Variants in GABRB2 observed in about 807,000 individuals in gnomAD.
The protein encoded by GABRB2 is gamma-aminobutyric acid receptor subunit beta-2.
Under a neutral mutation model 54.7 loss-of-function variants are expected in GABRB2, and 16 were observed. The ratio of observed to expected loss-of-function variants is 0.29; its 90% CI spans 0.20 to 0.44. GABRB2 has a LOEUF of 0.44. Among genes scored for constraint, GABRB2 ranks in the 20% least tolerant of loss-of-function variants. The probability of loss-of-function intolerance (pLI) is 1.00; values close to 1 mark genes in which losing one functional copy is unlikely to be tolerated. For missense variants in GABRB2, 355 were observed against 644.0 expected, an observed-to-expected ratio of 0.55 and a Z score of 4.86; for synonymous variants, 244 against 233.8, an observed-to-expected ratio of 1.04 and a Z score of -0.40.
chr5:161,535,181 T>G (rs986746010), intron 3 of GABRB2, among the ~76,000 whole-genome samples: 1 of 152,162 alleles, frequency 6.6e-6, no homozygotes, highest in Non-Finnish European at 1.5e-5. Flanking sequence ...CCTCAATGTT[T>G]TATATAAATC....
intron 5 of GABRB2, among the ~76,000 whole-genome samples, chr5:161,367,702 C>T (rs1755010196): frequency 1.3e-5 from 2 of 151,944 alleles, no homozygotes; most frequent in Non-Finnish European, 2.9e-5. Context: ...TTTTTTCGTG[C>T]CTCTAAAACA....
chr5:161,546,736 C>A (rs1760998327), upstream of GABRB2: 1 of 1,531,364 alleles, frequency 6.5e-7, no homozygotes, highest in Admixed American at 2.0e-5. Flanking sequence ...GAGGCGCATG[C>A]GCACGGCGTA....
intron 4 of GABRB2, among the ~76,000 whole-genome samples, chr5:161,444,803 T>C (rs866216541): frequency 2.6e-5 from 4 of 152,154 alleles, no homozygotes; most frequent in African/African-American, 4.8e-5. Flanking sequence ...TAATAGTCTT[T>C]GATAATTGGG....
intron 3 of GABRB2, among the ~76,000 whole-genome samples, chr5:161,472,236 T>A (rs1218566892): frequency 6.6e-6 from 1 of 151,870 alleles, no homozygotes; most frequent in Non-Finnish European, 1.5e-5. Flanking sequence ...CCAATATCAC[T>A]CAGTCAATAA....
At chr5:161,460,713 T>C (rs1333315113) in intron 3 of GABRB2, among the ~76,000 whole-genome samples, 1 of 152,082 alleles carries the variant, frequency 6.6e-6, no homozygotes, top group Non-Finnish European at 1.5e-5. Flanking sequence ...ATTGAGGTGC[T>C]GAGATGAAAG....
intron 3 of GABRB2, among the ~76,000 whole-genome samples, chr5:161,472,277 G>A (rs774449412): frequency 2.6e-5 from 4 of 151,704 alleles, no homozygotes; most frequent in Non-Finnish European, 4.4e-5. Context: ...TTGGTTGTGG[G>A]ATTCTCTGAC....
chr5:161,458,120 C>A (rs746444057), intron 4 of GABRB2, among the ~76,000 whole-genome samples: 8 of 152,052 alleles, frequency 5.3e-5, no homozygotes, highest in Non-Finnish European at 1.2e-4. Flanking sequence ...TTTTTTCATT[C>A]CCTATTCTCC....
At chr5:161,479,963 T>C (rs1758709155) in intron 3 of GABRB2, among the ~76,000 whole-genome samples, 1 of 152,064 alleles carries the variant, frequency 6.6e-6, no homozygotes. Context: ...ACTACATGAG[T>C]ATATGTGTAC....
intron 3 of GABRB2, among the ~76,000 whole-genome samples, chr5:161,522,262 C>T (rs774214344): frequency 1.3e-5 from 2 of 151,690 alleles, no homozygotes; most frequent in Non-Finnish European, 3.0e-5. Context: ...AAAGAGTATC[C>T]AGTTTTGCAT....
chr5:161,505,918 A>G (rs917053296), intron 3 of GABRB2, among the ~76,000 whole-genome samples: 1 of 152,190 alleles, frequency 6.6e-6, no homozygotes, highest in Non-Finnish European at 1.5e-5. Flanking sequence ...TTCTACTTCT[A>G]TTCAATATTG....
At chr5:161,336,596 G>A in intron 6 of GABRB2, 36 bp downstream of exon 6, 1 of 1,604,610 alleles carries the variant, frequency 6.2e-7, no homozygotes, top group Non-Finnish European at 8.5e-7. Flanking sequence ...ATACGGTGAA[G>A]ATTATTTTCC....
intron 5 of GABRB2, among the ~76,000 whole-genome samples, chr5:161,343,402 C>CA (rs1754230026): frequency 6.6e-6 from 1 of 151,740 alleles, no homozygotes; most frequent in South Asian, 2.1e-4. Flanking sequence ...TTTTTGAATT[C>CA]AAATCTTACG....
intron 4 of GABRB2, among the ~76,000 whole-genome samples, chr5:161,413,134 T>C (rs1188799373): frequency 2.4e-4 from 36 of 152,200 alleles, no homozygotes; most frequent in Admixed American, 2.4e-3. Context: ...GACTTTGTTC[T>C]ATTTGCTGTT....
At chr5:161,521,031 A>G (rs1313503869) in intron 3 of GABRB2, among the ~76,000 whole-genome samples, 1 of 152,028 alleles carries the variant, frequency 6.6e-6, no homozygotes, top group Non-Finnish European at 1.5e-5. Flanking sequence ...ATGATTTACA[A>G]CACTTAATTG....
chr5:161,530,561 GA>G (rs567132506), intron 3 of GABRB2, among the ~76,000 whole-genome samples: 1 of 151,980 alleles, frequency 6.6e-6, no homozygotes, highest in African/African-American at 2.4e-5. Flanking sequence ...AAAGCAATTG[GA>G]AAAAAATATA....
chr5:161,456,190 T>C (rs1055344591), intron 4 of GABRB2, among the ~76,000 whole-genome samples: 1 of 152,196 alleles, frequency 6.6e-6, no homozygotes, highest in Non-Finnish European at 1.5e-5. Flanking sequence ...GCTTCCCATA[T>C]CCACATCTTC....
chr5:161,455,946 T>C (rs759119461), intron 4 of GABRB2, among the ~76,000 whole-genome samples: 1 of 152,242 alleles, frequency 6.6e-6, no homozygotes, highest in Non-Finnish European at 1.5e-5. Context: ...TCTATCTTTA[T>C]TATGTTTTAA....
chr5:161,514,663 A>G (rs1283679176), intron 3 of GABRB2, among the ~76,000 whole-genome samples: 2 of 152,002 alleles, frequency 1.3e-5, no homozygotes, highest in African/African-American at 2.4e-5. Flanking sequence ...GTGCATGTAA[A>G]ATTATGTGCT....
At chr5:161,325,624 TG>T (rs527285982) in intron 9 of GABRB2, among the ~76,000 whole-genome samples, 101 of 152,228 alleles carry the variant, frequency 6.6e-4, no homozygotes, top group African/African-American at 2.3e-3. Flanking sequence ...TGCTAAACAC[TG>T]GAGTTGAACA....
Sources: allele counts gnomAD v4.1 joint callset (sites outside exome capture counted in the v4.1 genomes callset), GRCh38; gene constraint gnomAD v4.1.1; transcripts MANE v1.5; gene names NCBI Gene and HGNC (gene_info 2026-07-23, HGNC 2026-07-21).